The following RB1 variants were observed in gnomAD, a reference collection of about 807,000 sequenced individuals.
RB1 encodes the protein retinoblastoma-associated protein.
RB1 carries 18 observed loss-of-function variants against 135.4 expected under a neutral mutation model. The observed-to-expected ratio is 0.13, with a 90% confidence interval of 0.09 to 0.20. RB1 has a LOEUF of 0.20. Ranked by LOEUF, RB1 falls within the 10% of genes least tolerant of loss-of-function variation. RB1 has a pLI of 1.00. For missense variants in RB1, 868 were observed against 1,110.0 expected (o/e 0.78, Z 3.10); for synonymous variants, 365 against 373.2 (o/e 0.98, Z 0.25).
At chr13:48,454,123 A>G (rs1308396968) in intron 18 of RB1, among the ~76,000 whole-genome samples, 1 of 152,244 alleles carries the variant, frequency 6.6e-6, no homozygotes, top group Non-Finnish European at 1.5e-5. Flanking sequence ...TACTGCTGTC[A>G]GCCTGTTAAC....
rs932983457 is a variant in RB1 at position 48,303,859 on chromosome 13, C to A, written c.-54C>A. On this transcript the variant is annotated 5_prime_UTR_variant, in exon 1 of 27. Transcript: ENST00000267163. ...GGCGTGCCCCGACGTGCGCGCGCGTCGTCCTCCCCGGCGCTCCTCCACAGC... is the reference window on the plus strand; with the variant it reads ...GGCGTGCCCCGACGTGCGCGCGCGTAGTCCTCCCCGGCGCTCCTCCACAGC... 1 of 1,500,360 alleles carries A rather than the reference C, an allele frequency of 6.7e-7. No homozygotes were observed. Among genetic ancestry groups the A allele is most frequent in the Non-Finnish European group, 8.8e-7 (1 of 1,132,046 alleles). The allele number at this position is 1,500,360 out of a possible 1,614,324, so 92.9% of individuals were successfully genotyped here.
chr13:48,345,813 C>T (rs147930578), intron 4 of RB1, among the ~76,000 whole-genome samples: 1 of 152,146 alleles, frequency 6.6e-6, no homozygotes, highest in East Asian at 1.9e-4. Context: ...ATGAAAGTTA[C>T]AGTGTTAGCT....
intron 2 of RB1, among the ~76,000 whole-genome samples, chr13:48,341,954 T>C (rs1264332574): frequency 2.0e-5 from 3 of 151,906 alleles, no homozygotes; most frequent in Non-Finnish European, 1.5e-5. Flanking sequence ...TGGGGAAAAA[T>C]GTGTTCTAAA....
intron 6 of RB1, among the ~76,000 whole-genome samples, chr13:48,351,777 G>A (rs963686145): frequency 4.0e-5 from 6 of 151,862 alleles, no homozygotes; most frequent in Non-Finnish European, 1.5e-5. Context: ...GGGTTTAAGT[G>A]ATTATCTTGC....
At chr13:48,328,455 C>T (rs1952306452) in intron 2 of RB1, 1 of 977,138 alleles carries the variant, frequency 1.0e-6, no homozygotes. Flanking sequence ...TCTTCTTCAG[C>T]TGATCGCTTC....
At chr13:48,470,731 T>C (rs198598) in intron 23 of RB1, among the ~76,000 whole-genome samples, 7 of 19,920 alleles carry the variant, frequency 3.5e-4, no homozygotes, top group African/African-American at 4.5e-4. Flanking sequence ...AAAACAACCC[T>C]ATCAAAAAGT....
At position 48,319,566 on chromosome 13, in the gene RB1, C is replaced by A. The variant is rs926482281; in HGVS notation, c.264+12160C>A. On this transcript the variant is annotated intron_variant, in intron 2 of 26. Transcript: ENST00000267163. The surrounding 1 kb of genome is among the most constrained non-coding windows in gnomAD (Gnocchi z 5.0). ...CTTGTTCTCCTGCTTGGTCGTGACC[C>A]TGGACTTGAGGCTTCTGGGCTGCAC... 3.9e-6 allele frequency: 1 copy of A among 258,080 alleles called. No homozygotes were observed. The highest frequency in any genetic ancestry group is 4.8e-5 in the South Asian group (1 of 20,894). The allele number at this position is 258,080 out of a possible 1,614,324, so 16.0% of individuals were successfully genotyped here.
intron 2 of RB1, among the ~76,000 whole-genome samples, chr13:48,329,407 C>A (rs1384543103): frequency 6.6e-6 from 1 of 152,180 alleles, no homozygotes; most frequent in African/African-American, 2.4e-5. Context: ...ATATACAAAG[C>A]TGCCAACTAG....
At chr13:48,318,341 A>C in intron 2 of RB1, 2 of 1,400,412 alleles carry the variant, frequency 1.4e-6, no homozygotes, top group Non-Finnish European at 1.9e-6. Context: ...TCCTGCACGC[A>C]GCCCTGGGTT....
chr13:48,463,687 A>G, intron 20 of RB1, 44 bp from the exon 21 acceptor site: 2 of 1,144,480 alleles, frequency 1.7e-6, no homozygotes, highest in Non-Finnish European at 1.3e-6. Context: ...GAACAAAACC[A>G]TGTAATAAAA....
chr13:48,406,367 C>T (rs1431857694), intron 17 of RB1, among the ~76,000 whole-genome samples: 3 of 151,884 alleles, frequency 2.0e-5, no homozygotes, highest in African/African-American at 7.3e-5. Context: ...TCTATTATCA[C>T]CATCATTTAA....
At chr13:48,306,857 A>T (rs886567055) in intron 1 of RB1, among the ~76,000 whole-genome samples, 2 of 152,216 alleles carry the variant, frequency 1.3e-5, no homozygotes, top group Non-Finnish European at 2.9e-5. Context: ...AGGTAGAGAG[A>T]TATATGAAAC....
chr13:48,457,283 C>A (rs999368884), intron 19 of RB1, among the ~76,000 whole-genome samples: 26 of 152,172 alleles, frequency 1.7e-4, no homozygotes, highest in African/African-American at 6.3e-4. Context: ...GTGTTCAGTT[C>A]TCAGCAGAAA....
chr13:48,325,128 C>CCCACCCT (rs750544414), intron 2 of RB1, among the ~76,000 whole-genome samples: 6 of 152,200 alleles, frequency 3.9e-5, no homozygotes, highest in Admixed American at 6.5e-5. Flanking sequence ...CGCTTCCTCT[C>CCCACCCT]CCACCCTCCA....
intron 26 of RB1, 102 bp downstream of exon 26, chr13:48,477,506 G>C (rs1949511362): frequency 1.0e-6 from 1 of 970,384 alleles, no homozygotes; most frequent in Non-Finnish European, 1.6e-6. Flanking sequence ...TCAGTTGGCA[G>C]GTTTGTTTAT....
rs2138144811 is a variant in RB1, at chr13:48,381,250, G to A, written c.1502G>A (p.Ser501Asn). The change falls in exon 17 of 27, where the codon AGT becomes AAT. Residue 501 changes from serine (S) to asparagine (N), a missense_variant. Coordinates refer to ENST00000267163, the MANE Select transcript of RB1 (RefSeq NM_000321.3). The part of the protein sequence containing the change: ...LEVVMATYSR[S>N]TSQNLDSGTD... The stretch of plus-strand genomic sequence containing the variant: ...TACTTTTTTTTTTCATTTTTAGGAA[G>A]TACATCTCAGAATCTTGATTCTGGA... 7 of 1,604,426 alleles carry A rather than the reference G, an allele frequency of 4.4e-6. No individual in the cohort carries two copies. The highest frequency in any genetic ancestry group is 1.1e-5 in the South Asian group (1 of 88,788).
In RB1 at chr13:48,318,916, G is replaced by T. The variant is rs2138052465; in HGVS notation, c.264+11510G>T. 3 of 1,179,558 alleles carry T rather than the reference G, an allele frequency of 2.5e-6. No individual in the cohort carries two copies. In the East Asian group the frequency reaches 7.2e-5, roughly 28 times the overall value. The allele number at this position is 1,179,558 out of a possible 1,614,324, so 73.1% of individuals were successfully genotyped here. A position where few individuals can be genotyped will look rare whatever the true frequency, so the allele number is the denominator to read the frequency against. On this transcript the variant is annotated intron_variant, in intron 2 of 26. Transcript: ENST00000267163. ...TGTCGTCGCTGTCCACGGAGCTACT[G>T]TCGCCGTCAGAGCGGGAAGGCACGT...
intron 2 of RB1, among the ~76,000 whole-genome samples, chr13:48,308,796 G>A (rs1395240299): frequency 6.6e-6 from 1 of 152,106 alleles, no homozygotes; most frequent in Non-Finnish European, 1.5e-5. Context: ...AGTAGAGTGA[G>A]GTTGAGTAAC....
At chr13:48,446,209 C>T (rs1949286369) in intron 17 of RB1, among the ~76,000 whole-genome samples, 1 of 152,184 alleles carries the variant, frequency 6.6e-6, no homozygotes, top group African/African-American at 2.4e-5. Flanking sequence ...CCACCTGCCT[C>T]AGCCTTCCAA....
Sources: gnomAD v4.1 joint callset for allele counts (sites outside exome capture counted in the v4.1 genomes callset) on GRCh38, gnomAD v4.1.1 for gene constraint, Gnocchi (gnomAD v3.1) non-coding constraint, MANE v1.5 for transcripts, NCBI Gene and HGNC (gene_info 2026-07-23, HGNC 2026-07-21) for gene names.